The following NXPH1 variants were observed in gnomAD, a reference collection of about 807,000 sequenced individuals.
NXPH1 encodes the protein neurexophilin 1.
A neutral mutation model predicts 23.7 loss-of-function variants in NXPH1; 5 were observed. The ratio of observed to expected loss-of-function variants is 0.21; its 90% CI spans 0.11 to 0.44. The LOEUF (loss-of-function observed/expected upper bound fraction) is 0.44, where lower values mean the gene tolerates loss of function less well. Among genes scored for constraint, NXPH1 ranks in the 20% least tolerant of loss-of-function variants. The pLI is 0.99. For synonymous variants in NXPH1, 144 were observed against 122.2 expected (o/e 1.18, Z -1.18); for missense variants, 324 against 321.6 (o/e 1.01, Z -0.06).
intron 2 of NXPH1, among the ~76,000 whole-genome samples, chr7:8,672,242 C>G (rs1820880579): frequency 6.6e-6 from 1 of 152,072 alleles, no homozygotes; most frequent in Admixed American, 6.6e-5. Flanking sequence ...AAACCAAACA[C>G]CGCATATTCT....
intron 2 of NXPH1, among the ~76,000 whole-genome samples, chr7:8,712,701 G>C (rs1385690119): frequency 1.3e-5 from 2 of 152,216 alleles, no homozygotes; most frequent in Non-Finnish European, 2.9e-5. Flanking sequence ...CCCATGGGTT[G>C]TGTTATCAGC....
At chr7:8,658,481 A>T (rs941515004) in intron 2 of NXPH1, among the ~76,000 whole-genome samples, 4 of 152,230 alleles carry the variant, frequency 2.6e-5, no homozygotes, top group Non-Finnish European at 5.9e-5. Flanking sequence ...CCAGGCTCCA[A>T]GGAAACTTGC....
At chr7:8,556,561 A>G (rs1384484474) in intron 2 of NXPH1, among the ~76,000 whole-genome samples, 1 of 151,754 alleles carries the variant, frequency 6.6e-6, no homozygotes, top group Non-Finnish European at 1.5e-5. Context: ...GGCAGAAAGT[A>G]AAAACTAACT....
intron 2 of NXPH1, among the ~76,000 whole-genome samples, chr7:8,656,051 A>G (rs1820577098): frequency 6.6e-6 from 1 of 152,234 alleles, no homozygotes; most frequent in Non-Finnish European, 1.5e-5. Context: ...GTTTGGTGGC[A>G]CAAATTAGAT....
At chr7:8,666,995 C>T (rs1254052472) in intron 2 of NXPH1, among the ~76,000 whole-genome samples, 2 of 152,034 alleles carry the variant, frequency 1.3e-5, no homozygotes, top group Admixed American at 1.3e-4. Context: ...CTGTAACTAA[C>T]ATGAGGCTTG....
At chr7:8,609,703 T>C (rs918700586) in intron 2 of NXPH1, among the ~76,000 whole-genome samples, 1 of 152,178 alleles carries the variant, frequency 6.6e-6, no homozygotes, top group Non-Finnish European at 1.5e-5. Context: ...CATGGTTTTA[T>C]GTGAGCAAAG....
chr7:8,552,302 A>G (rs1562399942), intron 2 of NXPH1, among the ~76,000 whole-genome samples: 2 of 151,344 alleles, frequency 1.3e-5, no homozygotes. Context: ...AAAATTATAG[A>G]GGCCTGATGG....
chr7:8,735,265 A>G (rs1308817366), intron 2 of NXPH1, among the ~76,000 whole-genome samples: 2 of 152,134 alleles, frequency 1.3e-5, no homozygotes, highest in Non-Finnish European at 2.9e-5. Flanking sequence ...TCAGTATGAC[A>G]TTGGCTGTGG....
intron 2 of NXPH1, among the ~76,000 whole-genome samples, chr7:8,496,452 A>G (rs1817337751): frequency 6.6e-6 from 1 of 152,100 alleles, no homozygotes; most frequent in South Asian, 2.1e-4. Context: ...TGTGTTCATA[A>G]TTTACAGCAA....
intron 2 of NXPH1, among the ~76,000 whole-genome samples, chr7:8,509,051 A>G (rs1817572899): frequency 6.6e-6 from 1 of 152,100 alleles, no homozygotes; most frequent in Non-Finnish European, 1.5e-5. Context: ...ATTTGTCTGA[A>G]GGAGGCATGA....
In NXPH1 at chr7:8,747,767, G is replaced by GCACA. The variant is rs113706004; in HGVS notation, c.55-3228_55-3225dup. Among the ~76,000 whole-genome samples the GCACA allele has an allele frequency of 1.1e-4, 17 of 150,564 alleles. 1 individual carries two copies. Among genetic ancestry groups the GCACA allele is most frequent in the African/African-American group, 2.7e-4 (11 of 41,230 alleles). On this transcript the variant is annotated intron_variant, in intron 2 of 2. Coordinates refer to ENST00000405863, the MANE Select transcript of NXPH1 (RefSeq NM_152745.3). ...GTTTAATCAATTAGATTTTATTCACGCACACACACACACACAGTCTCCCAA... is the reference window on the plus strand; with the variant it reads ...GTTTAATCAATTAGATTTTATTCACGCACACACACACACACACACAGTCTCCCAA...
At chr7:8,614,845 T>C (rs986607878) in intron 2 of NXPH1, among the ~76,000 whole-genome samples, 1 of 152,090 alleles carries the variant, frequency 6.6e-6, no homozygotes, top group African/African-American at 2.4e-5. Flanking sequence ...GTGGCAGTTA[T>C]TGTTCTTATT....
intron 2 of NXPH1, among the ~76,000 whole-genome samples, chr7:8,727,997 A>G (rs1780085499): frequency 6.6e-6 from 1 of 150,602 alleles, no homozygotes; most frequent in African/African-American, 2.4e-5. Flanking sequence ...ATTTGTTTGT[A>G]TCCTCTTTTA....
intron 2 of NXPH1, among the ~76,000 whole-genome samples, chr7:8,566,300 A>C (rs1818544709): frequency 6.6e-6 from 1 of 151,866 alleles, no homozygotes; most frequent in Admixed American, 6.6e-5. Flanking sequence ...TTGTTCCAAA[A>C]TTAAACCTGT....
At chr7:8,622,625 T>C (rs1819900127) in intron 2 of NXPH1, among the ~76,000 whole-genome samples, 1 of 152,158 alleles carries the variant, frequency 6.6e-6, no homozygotes, top group South Asian at 2.1e-4. Context: ...AAACTGAAAG[T>C]TTGAATTTTC....
intron 2 of NXPH1, among the ~76,000 whole-genome samples, chr7:8,727,987 A>T (rs537272057): frequency 0.013 from 1,901 of 151,382 alleles, 40 homozygotes; most frequent in African/African-American, 0.043. Context: ...ATGTTCTTCC[A>T]TTTGTTTGTA....
chr7:8,686,952 A>C (rs1583230633), intron 2 of NXPH1, among the ~76,000 whole-genome samples: 1 of 152,142 alleles, frequency 6.6e-6, no homozygotes, highest in East Asian at 1.9e-4. Context: ...TTTTAATGAA[A>C]AAAAGCAGGC....
chr7:8,546,728 A>G (rs1409070608), intron 2 of NXPH1, among the ~76,000 whole-genome samples: 2 of 151,374 alleles, frequency 1.3e-5, no homozygotes, highest in Non-Finnish European at 1.5e-5. Flanking sequence ...TCCCTGCTCC[A>G]TCCCCTACCA....
intron 2 of NXPH1, among the ~76,000 whole-genome samples, chr7:8,446,997 G>A (rs951561352): frequency 6.6e-6 from 1 of 151,950 alleles, no homozygotes; most frequent in South Asian, 2.1e-4. Flanking sequence ...TTATCAACTG[G>A]CTAGATGCAC....
Sources: gnomAD v4.1 joint callset for allele counts (sites outside exome capture counted in the v4.1 genomes callset) on GRCh38, gnomAD v4.1.1 for gene constraint, MANE v1.5 for transcripts, NCBI Gene and HGNC (gene_info 2026-07-23, HGNC 2026-07-21) for gene names.